CDKAL1: variants seen among roughly 807,000 people sequenced by gnomAD.
CDKAL1 encodes the protein CDKAL1 threonylcarbamoyladenosine tRNA methylthiotransferase.
A neutral mutation model predicts 68.2 loss-of-function variants in CDKAL1; 32 were observed. That is an observed-to-expected ratio of 0.47 (90% CI 0.35 to 0.63). The LOEUF (loss-of-function observed/expected upper bound fraction) is 0.63. CDKAL1 is among the 30% of genes least tolerant of loss of function. The pLI is 0.00. For synonymous variants in CDKAL1, 234 were observed against 244.3 expected, an observed-to-expected ratio of 0.96 and a Z score of 0.39; for missense variants, 606 against 696.7, an observed-to-expected ratio of 0.87 and a Z score of 1.47.
chr6:20,837,937 T>TTTTG (rs1554128799), intron 8 of CDKAL1, among the ~76,000 whole-genome samples: 2 of 123,176 alleles, frequency 1.6e-5, no homozygotes, highest in Non-Finnish European at 3.4e-5. Flanking sequence ...TGGGAAGAAA[T>TTTTG]TGTGTGTGTG....
intron 9 of CDKAL1, among the ~76,000 whole-genome samples, chr6:20,919,613 C>T (rs764970090): frequency 2.6e-5 from 4 of 152,110 alleles, no homozygotes; most frequent in Non-Finnish European, 5.9e-5. Context: ...ATGATGGTTT[C>T]CAGCTTCATC....
At chr6:20,925,181 A>C (rs1374525392) in intron 9 of CDKAL1, among the ~76,000 whole-genome samples, 1 of 152,238 alleles carries the variant, frequency 6.6e-6, no homozygotes, top group African/African-American at 2.4e-5. Flanking sequence ...AGCAAAAAAA[A>C]ATTACGACTC....
intron 8 of CDKAL1, among the ~76,000 whole-genome samples, chr6:20,800,198 G>A (rs188996994): frequency 3.4e-4 from 52 of 151,896 alleles, no homozygotes; most frequent in African/African-American, 5.6e-4. Flanking sequence ...AGCTTTATTT[G>A]CAATAGCCAA....
intron 13 of CDKAL1, among the ~76,000 whole-genome samples, chr6:21,193,542 A>G (rs1339133983): frequency 6.6e-6 from 1 of 152,210 alleles, no homozygotes; most frequent in Non-Finnish European, 1.5e-5. Flanking sequence ...TCATTTTTAG[A>G]TGAGGAAAGT....
chr6:21,140,758 C>T lies in CDKAL1; in HGVS notation c.1299+32295C>T, dbSNP rs549622277. On this transcript the variant is annotated intron_variant, in intron 13 of 15. Transcript: ENST00000274695. ...TAAAAAACACTGGGTTCCTTAAAAA[C>T]TTGTCCTGCTTGCTATGTGTATTAG... Among the ~76,000 whole-genome samples, 6 of 152,306 alleles carry T rather than the reference C, an allele frequency of 3.9e-5. No individual in the cohort carries two copies. The South Asian group carries it at 8.3e-4, about 21-fold the overall frequency.
Position 20,677,475 on chromosome 6 carries a change from A to G in CDKAL1, c.371+28098A>G, listed in dbSNP as rs1376266280. ...CTCTTGTCGCCCAGGCTGGAGTGCA[A>G]TGGCACGATCTTGCCTCATTGCTGC... On this transcript the variant is annotated intron_variant, in intron 5 of 15. Coordinates refer to ENST00000274695, the MANE Select transcript of CDKAL1 (RefSeq NM_017774.3). Among the ~76,000 whole-genome samples, 2 of 148,554 alleles carry G rather than the reference A, an allele frequency of 1.3e-5. 1 individual carries two copies. The highest frequency in any genetic ancestry group is 4.3e-4 in the South Asian group (2 of 4,660).
intron 4 of CDKAL1, among the ~76,000 whole-genome samples, chr6:20,613,566 T>G (rs1005653331): frequency 1.3e-5 from 2 of 150,948 alleles, no homozygotes; most frequent in African/African-American, 4.8e-5. Flanking sequence ...TGAGCCACCA[T>G]GCCTGGCTGC....
chr6:20,591,671 C>G (rs900735357), intron 4 of CDKAL1, among the ~76,000 whole-genome samples: 4 of 152,122 alleles, frequency 2.6e-5, no homozygotes, highest in African/African-American at 9.7e-5. Context: ...TGTCAAAGAT[C>G]AGATGGTTGT....
intron 4 of CDKAL1, among the ~76,000 whole-genome samples, chr6:20,584,660 A>G (rs1022647198): frequency 6.6e-6 from 1 of 152,204 alleles, no homozygotes; most frequent in Non-Finnish European, 1.5e-5. Context: ...CTAAGAATGT[A>G]TTTGTTCAAT....
chr6:21,133,764 C>A (rs996167328), intron 13 of CDKAL1, among the ~76,000 whole-genome samples: 1 of 152,066 alleles, frequency 6.6e-6, no homozygotes, highest in Non-Finnish European at 1.5e-5. Context: ...TAATATGCGA[C>A]CCATTAATGC....
At chr6:21,096,779 C>A (rs996665865) in intron 12 of CDKAL1, among the ~76,000 whole-genome samples, 8 of 152,052 alleles carry the variant, frequency 5.3e-5, no homozygotes, top group Non-Finnish European at 8.8e-5. Context: ...ACTTTTAAAA[C>A]AAAAATAAAA....
chr6:20,861,270 T>G (rs1331555398), intron 9 of CDKAL1, among the ~76,000 whole-genome samples: 2 of 152,170 alleles, frequency 1.3e-5, no homozygotes, highest in African/African-American at 4.8e-5. Context: ...AAACCATAAA[T>G]GTAAGCGTAC....
At chr6:21,033,632 T>C (rs1265004852) in intron 11 of CDKAL1, among the ~76,000 whole-genome samples, 1 of 152,080 alleles carries the variant, frequency 6.6e-6, no homozygotes, top group Non-Finnish European at 1.5e-5. Flanking sequence ...GAGAAGGCCT[T>C]GGCATACTGT....
At chr6:20,844,048 G>T (rs1222322042) in intron 8 of CDKAL1, among the ~76,000 whole-genome samples, 13 of 152,084 alleles carry the variant, frequency 8.5e-5, no homozygotes, top group African/African-American at 3.1e-4. Flanking sequence ...CTGAGCTATG[G>T]AATTTAAAAT....
chr6:20,895,894 T>A (rs1288217210), intron 9 of CDKAL1, among the ~76,000 whole-genome samples: 4 of 152,236 alleles, frequency 2.6e-5, no homozygotes, highest in African/African-American at 4.8e-5. Context: ...AGTGGCCCTT[T>A]TGATAAATAT....
At chr6:20,616,856 C>CACACACACACAG (rs1165142349) in intron 4 of CDKAL1, among the ~76,000 whole-genome samples, 1 of 150,160 alleles carries the variant, frequency 6.7e-6, no homozygotes, top group Non-Finnish European at 1.5e-5. Flanking sequence ...CACACACACA[C>CACACACACACAG]ACACACACAC....
intron 4 of CDKAL1, among the ~76,000 whole-genome samples, chr6:20,614,540 T>C (rs1218062805): frequency 2.0e-5 from 3 of 152,166 alleles, no homozygotes; most frequent in Non-Finnish European, 2.9e-5. Context: ...TCTCTCATAT[T>C]TAAGAGTTAT....
chr6:20,874,984 G>C (rs1760425480), intron 9 of CDKAL1, among the ~76,000 whole-genome samples: 1 of 152,090 alleles, frequency 6.6e-6, no homozygotes, highest in African/African-American at 2.4e-5. Context: ...GATGGGAGGA[G>C]GGTTAAAGAG....
At chr6:20,968,156 T>G (rs1444498975) in intron 10 of CDKAL1, among the ~76,000 whole-genome samples, 9 of 147,846 alleles carry the variant, frequency 6.1e-5, no homozygotes, top group African/African-American at 2.0e-4. Context: ...TGTTCTGGGT[T>G]TTTTTTTTTG....
Sources: gnomAD v4.1 joint callset for allele counts (sites outside exome capture counted in the v4.1 genomes callset) on GRCh38, gnomAD v4.1.1 for gene constraint, MANE v1.5 for transcripts, NCBI Gene and HGNC (gene_info 2026-07-23, HGNC 2026-07-21) for gene names.